Variants in LRRIQ1 observed in about 807,000 individuals in gnomAD.
LRRIQ1 encodes the protein leucine rich repeats and IQ motif containing 1.
In LRRIQ1, 210 loss-of-function variants were observed where a neutral mutation model predicts 211.9. The observed-to-expected ratio is 0.99, with a 90% CI of 0.89 to 1.11. The LOEUF is 1.11. Ranked by LOEUF, LRRIQ1 falls within the 50% of genes most tolerant of loss-of-function variation. The pLI is 0.00. For missense variants in LRRIQ1, 2,136 were observed against 1,939.5 expected (o/e 1.10, Z -1.90); for synonymous variants, 699 against 650.1 (o/e 1.08, Z -1.14).
intron 1 of LRRIQ1, among the ~76,000 whole-genome samples, chr12:85,252,052 C>G (rs183762375): frequency 6.6e-6 from 1 of 151,854 alleles, no homozygotes; most frequent in Admixed American, 6.6e-5. Context: ...AGGGGAAAAT[C>G]TTAATATTTT....
chr12:85,173,257 G>C (rs1461090165), intron 24 of LRRIQ1, among the ~76,000 whole-genome samples: 2 of 151,974 alleles, frequency 1.3e-5, no homozygotes, highest in East Asian at 3.9e-4. Context: ...AGAATACCAG[G>C]CTTATTTGAG....
At chr12:85,063,845 T>C (rs1260962558) in intron 8 of LRRIQ1, among the ~76,000 whole-genome samples, 1 of 151,774 alleles carries the variant, frequency 6.6e-6, no homozygotes, top group Non-Finnish European at 1.5e-5. Context: ...ATTTTATCTA[T>C]ATTGTTGCAA....
At chr12:85,041,044 G>C (rs1336567119) in intron 3 of LRRIQ1, among the ~76,000 whole-genome samples, 1 of 151,594 alleles carries the variant, frequency 6.6e-6, no homozygotes, top group Non-Finnish European at 1.5e-5. Flanking sequence ...GATTTAATTA[G>C]AATTAACCTT....
At chr12:85,092,793 GC>G (rs1885524059) in intron 11 of LRRIQ1, among the ~76,000 whole-genome samples, 1 of 152,300 alleles carries the variant, frequency 6.6e-6, no homozygotes, top group African/African-American at 2.4e-5. Context: ...TATCAAACGT[GC>G]CTGCGCCGAC....
intron 24 of LRRIQ1, among the ~76,000 whole-genome samples, chr12:85,197,795 A>G (rs1343147868): frequency 1.4e-5 from 2 of 146,216 alleles, no homozygotes; most frequent in Admixed American, 7.0e-5. Flanking sequence ...AACCTGCACA[A>G]TGTGCACATG....
intron 24 of LRRIQ1, among the ~76,000 whole-genome samples, chr12:85,174,701 C>CAA (rs71076115): frequency 0.01 from 221 of 21,484 alleles, 28 homozygotes; most frequent in African/African-American, 0.041. Flanking sequence ...GAGTACAGCT[C>CAA]AAAAAAAAAA....
intron 11 of LRRIQ1, among the ~76,000 whole-genome samples, chr12:85,077,274 A>G (rs191296775): frequency 6.6e-5 from 10 of 152,352 alleles, no homozygotes; most frequent in Admixed American, 4.6e-4. Flanking sequence ...AGATATTTGT[A>G]GAAAGTATGG....
At chr12:85,125,113 AG>A (rs1032619428) in intron 17 of LRRIQ1, among the ~76,000 whole-genome samples, 41 of 151,930 alleles carry the variant, frequency 2.7e-4, no homozygotes, top group African/African-American at 9.4e-4. Flanking sequence ...CGGGAGGTGG[AG>A]GTTGCAGTGA....
At chr12:85,054,739 TGA>T (rs1880776742) in intron 7 of LRRIQ1, among the ~76,000 whole-genome samples, 1 of 151,830 alleles carries the variant, frequency 6.6e-6, no homozygotes, top group Non-Finnish European at 1.5e-5. Flanking sequence ...ACTTGAAATA[TGA>T]GGTTATTCCT....
chr12:85,098,688 A>G (rs959429037), intron 12 of LRRIQ1, 140 bp downstream of exon 12: 7 of 762,774 alleles, frequency 9.2e-6, no homozygotes, highest in Admixed American at 3.2e-5. Flanking sequence ...CAAGAATATT[A>G]AATATTATAC....
At position 85,038,157 on chromosome 12, in the gene LRRIQ1, G is replaced by C. The variant is rs755698692; in HGVS notation, c.-20G>C. The stretch of plus-strand genomic sequence containing the variant: ...CCTCTTCATTTTTTAAAGCAGTTCT[G>C]TGCTTTATTATGAAGAATAATGGAC... On this transcript the variant is annotated 5_prime_UTR_variant, in exon 2 of 27. Coordinates refer to ENST00000393217, the MANE Select transcript of LRRIQ1 (RefSeq NM_001079910.2). 6.7e-7 allele frequency: 1 copy of C among 1,485,500 alleles called. No homozygotes were observed. Among genetic ancestry groups the C allele is most frequent in the Admixed American group, 2.1e-5 (1 of 47,488 alleles). 92.0% of individuals were successfully genotyped at this position (1,485,500 alleles called of 1,614,324 possible). A position where few individuals can be genotyped will look rare whatever the true frequency, so the allele number is the denominator to read the frequency against.
rs779588271 is a variant in LRRIQ1, at chr12:85,056,286, A to G, written c.1493A>G (p.Lys498Arg). The G allele has an allele frequency of 3.2e-6, 5 of 1,585,604 alleles. No individual in the cohort carries two copies. The South Asian group carries it at 4.8e-5, about 15-fold the overall frequency. ...AKKRCSEELV[K>R]QERKYENTDN... ...AAACGATGTTCAGAAGAATTGGTCA[A>G]GCAAGAAAGAAAATATGAAAATACA... Residue 498 changes from lysine to arginine, a missense_variant, in exon 8 of 27, where the codon AAG (lysine) becomes AGG (arginine). Lys to Arg is a conservative substitution (Grantham distance 26). Coordinates refer to ENST00000393217, the MANE Select transcript of LRRIQ1 (RefSeq NM_001079910.2).
At chr12:85,208,907 T>A (rs1893698084) in intron 24 of LRRIQ1, among the ~76,000 whole-genome samples, 3 of 152,170 alleles carry the variant, frequency 2.0e-5, no homozygotes, top group African/African-American at 7.2e-5. Context: ...TAAGAAATTT[T>A]TTCTGTCTTC....
intron 24 of LRRIQ1, chr12:85,162,754 T>TC (rs1287256361): frequency 2.2e-6 from 1 of 456,038 alleles, no homozygotes; most frequent in African/African-American, 2.0e-5. Flanking sequence ...TTGTTTTCTT[T>TC]CCCCCAAGTG....
At chr12:85,241,004 T>G (rs34316077) in intron 26 of LRRIQ1, among the ~76,000 whole-genome samples, 12 of 152,102 alleles carry the variant, frequency 7.9e-5, no homozygotes, top group Admixed American at 2.0e-4. Context: ...TTTATACATA[T>G]GATAAAATGT....
chr12:85,271,466 C>T, the LRRIQ1 span, among the ~76,000 whole-genome samples: 2 of 152,120 alleles, frequency 1.3e-5, no homozygotes, highest in African/African-American at 4.8e-5. Flanking sequence ...TACAACCATG[C>T]TTTAATATGA....
At chr12:85,101,115 A>G (rs1450609040) in intron 13 of LRRIQ1, among the ~76,000 whole-genome samples, 3 of 151,786 alleles carry the variant, frequency 2.0e-5, no homozygotes, top group Non-Finnish European at 4.4e-5. Context: ...AGGGAGAATA[A>G]TTTTATAATG....
intron 25 of LRRIQ1, 33 bp downstream of exon 25, chr12:85,229,682 ATTGT>A: frequency 6.3e-7 from 1 of 1,589,160 alleles, no homozygotes. Flanking sequence ...AGATTTTTGT[ATTGT>A]AAACACATCT....
intron 15 of LRRIQ1, among the ~76,000 whole-genome samples, chr12:85,117,442 A>G (rs1162724150): frequency 6.6e-6 from 1 of 152,224 alleles, no homozygotes; most frequent in African/African-American, 2.4e-5. Context: ...TATAACTCCA[A>G]AAAGATACAA....
Sources: gnomAD v4.1 joint callset for allele counts (sites outside exome capture counted in the v4.1 genomes callset) on GRCh38, gnomAD v4.1.1 for gene constraint, MANE v1.5 for transcripts, NCBI Gene and HGNC (gene_info 2026-07-23, HGNC 2026-07-21) for gene names.